The following ZMYM6 variants were observed in gnomAD, a reference collection of about 807,000 sequenced individuals.
The protein encoded by ZMYM6 is zinc finger MYM-type containing 6.
In ZMYM6, 90 loss-of-function variants were observed where a neutral mutation model predicts 134.0. The observed-to-expected ratio is 0.67, with a 90% CI of 0.57 to 0.80. The LOEUF (loss-of-function observed/expected upper bound fraction) is 0.80, where lower values mean the gene tolerates loss of function less well. ZMYM6 is among the 30% of genes least tolerant of loss of function. ZMYM6 has a pLI of 0.00. For synonymous variants in ZMYM6, 481 were observed against 524.1 expected, an observed-to-expected ratio of 0.92 and a Z score of 1.12; for missense variants, 1,362 against 1,533.9, an observed-to-expected ratio of 0.89 and a Z score of 1.87.
At chr1:35,028,068 C>T (rs905330837) in intron 2 of ZMYM6, among the ~76,000 whole-genome samples, 3 of 152,040 alleles carry the variant, frequency 2.0e-5, no homozygotes, top group African/African-American at 7.3e-5. Context: ...AATCCCAGCA[C>T]TTTGAGAAGC....
chr1:34,992,854 ATAT>A (rs1640708475), intron 14 of ZMYM6, among the ~76,000 whole-genome samples: 1 of 146,482 alleles, frequency 6.8e-6, no homozygotes, highest in Admixed American at 6.8e-5. Flanking sequence ...TAAACTATAA[ATAT>A]AAAAATATAT....
chr1:34,987,636 C>A lies in ZMYM6; in HGVS notation c.3446G>T (p.Arg1149Ile), dbSNP rs1180533673. The A allele has an allele frequency of 1.9e-6, 3 of 1,581,438 alleles. No homozygotes were observed. The highest frequency in any genetic ancestry group is 2.3e-5 in the South Asian group (2 of 87,358). The change falls in exon 16 of 16, where the codon AGA (arginine) becomes ATA (isoleucine). Residue 1149 changes from arginine (R) to isoleucine (I), a missense_variant. Coordinates refer to ENST00000357182, the MANE Select transcript of ZMYM6 (RefSeq NM_007167.4). ...GCGCTTCAACCACATTTTTAACTTT[C>A]TCTTAAATACATCAATTTTATTACA... ...NLCNKIDVFK[R>I]KLKMWLKRTQ... is the part of the protein sequence containing the mutation.
chr1:35,012,434 A>G lies in ZMYM6; in HGVS notation c.943T>C (p.Ser315Pro). ...ATTTATCAAATTTAAACATTACCTG[A>G]AGAAGTAACAGTCTTAACTCTGTAA... Reference protein sequence around the residue: ...SAYRVKTVTSSGVQVSCHSCK... With the variant: ...SAYRVKTVTSPGVQVSCHSCK... Residue 315 changes from serine (S) to proline (P), a missense_variant, in exon 7 of 16, where the codon TCA becomes CCA. By Grantham distance (74) the Ser-to-Pro change is moderately conservative. Transcript: ENST00000357182. 6.5e-7 allele frequency: 1 copy of G among 1,529,906 alleles called. No homozygotes were observed. The highest frequency in any genetic ancestry group is 8.7e-7 in the Non-Finnish European group (1 of 1,143,626). 94.8% of individuals were successfully genotyped at this position (1,529,906 alleles called of 1,614,324 possible).
At chr1:35,004,692 C>G (rs1640934139) in intron 13 of ZMYM6, among the ~76,000 whole-genome samples, 1 of 152,144 alleles carries the variant, frequency 6.6e-6, no homozygotes, top group Non-Finnish European at 1.5e-5. Context: ...ACCCACTCCC[C>G]TGAGGCGGGG....
intron 14 of ZMYM6, among the ~76,000 whole-genome samples, chr1:35,002,948 G>A (rs1640904413): frequency 1.3e-5 from 2 of 152,036 alleles, no homozygotes; most frequent in Admixed American, 1.3e-4. Context: ...TGAGGCGGGA[G>A]GATCACTTGA....
At chr1:34,991,527 TG>T (rs1640673319) in intron 15 of ZMYM6, among the ~76,000 whole-genome samples, 1 of 152,112 alleles carries the variant, frequency 6.6e-6, no homozygotes, top group African/African-American at 2.4e-5. Flanking sequence ...CCCAGCACTT[TG>T]GGAGGCCGAG....
intron 3 of ZMYM6, 99 bp from the exon 4 acceptor site, chr1:35,019,701 G>A (rs1193606233): frequency 7.3e-7 from 1 of 1,368,096 alleles, no homozygotes; most frequent in African/African-American, 1.5e-5. Context: ...CTGAGACACG[G>A]TCTCACTGTC....
chr1:34,992,069 A>G, intron 15 of ZMYM6, 165 bp downstream of exon 15: 1 of 867,118 alleles, frequency 1.2e-6, no homozygotes, highest in East Asian at 2.8e-5. Context: ...ATTAGTGTTA[A>G]TAATTATGAA....
chr1:34,986,744 A>C lies in ZMYM6; in HGVS notation c.*360T>G, dbSNP rs1199098578. On this transcript the variant is annotated 3_prime_UTR_variant, in exon 16 of 16. Coordinates refer to ENST00000357182, the MANE Select transcript of ZMYM6 (RefSeq NM_007167.4). ...GATCTATCTTTTCCACCTACTCACAACCTTGCAGGGGTAAGTAGCTGGTTG... is the reference window on the plus strand; with the variant it reads ...GATCTATCTTTTCCACCTACTCACACCCTTGCAGGGGTAAGTAGCTGGTTG... The C allele has an allele frequency of 6.4e-6, 1 of 156,478 alleles. No homozygotes were observed. The highest frequency in any genetic ancestry group is 1.4e-5 in the Non-Finnish European group (1 of 71,256). 9.7% of individuals were successfully genotyped at this position (156,478 alleles called of 1,614,324 possible). A position where few individuals can be genotyped will look rare whatever the true frequency, so the allele number is the denominator to read the frequency against.
intron 13 of ZMYM6, among the ~76,000 whole-genome samples, chr1:35,004,226 T>C (rs2148449372): frequency 6.6e-6 from 1 of 152,166 alleles, no homozygotes. Context: ...TCTCTGGCAG[T>C]AAAGGAGTAG....
At position 35,013,730 on chromosome 1, in the gene ZMYM6, C is replaced by T. The variant is rs1310221624; in HGVS notation, c.795+967G>A. The T allele has an allele frequency of 4.2e-6, 4 of 956,604 alleles. No homozygotes were observed. The African/African-American group carries it at 7.1e-5, about 17-fold the overall frequency. 59.3% of individuals were successfully genotyped at this position (956,604 alleles called of 1,614,324 possible). On this transcript the variant is annotated intron_variant, in intron 6 of 15. Transcript: ENST00000357182. Reference sequence around the variant, plus strand: ...TGTTTTTGAGACAGTCTTGCTCTGTCACCCAGGCTGGACTGCAGTGGCACA... The same window carrying T: ...TGTTTTTGAGACAGTCTTGCTCTGTTACCCAGGCTGGACTGCAGTGGCACA...
In ZMYM6 at chr1:35,019,439, G is replaced by A; in HGVS notation, c.342C>T (p.Leu114=). 2.5e-6 allele frequency: 4 copies of A among 1,614,182 alleles called. No homozygotes were observed. The highest frequency in any genetic ancestry group is 2.5e-6 in the Non-Finnish European group (3 of 1,180,040). Residue 114 remains leucine (L), a synonymous_variant, in exon 4 of 16, where the codon CTC becomes CTT. Transcript: ENST00000357182. ...TGGTGATGCATCGTGTGGAGCAGAA[G>A]AGCTGAGTAGATCCTGTCTTATGAT... The part of the protein sequence containing the change: ...TAYHKTGSTQ[L]FCSTRCITRH...
chr1:34,998,461 G>A (rs964300760), intron 14 of ZMYM6, among the ~76,000 whole-genome samples: 4 of 152,102 alleles, frequency 2.6e-5, no homozygotes, highest in Non-Finnish European at 4.4e-5. Flanking sequence ...GTTTTTGAGC[G>A]GAGGAATGAC....
intron 14 of ZMYM6, among the ~76,000 whole-genome samples, chr1:35,000,614 T>C (rs1449149995): frequency 6.6e-6 from 1 of 152,148 alleles, no homozygotes; most frequent in African/African-American, 2.4e-5. Context: ...TAAAATGTGG[T>C]ACCTACAGGC....
intron 14 of ZMYM6, among the ~76,000 whole-genome samples, chr1:34,995,361 G>A (rs1640765868): frequency 6.7e-6 from 1 of 149,430 alleles, no homozygotes; most frequent in Non-Finnish European, 1.5e-5. Context: ...ATGTATATAT[G>A]TTGCCTCTAT....
chr1:35,007,158 T>TTAATCATAAAAAGAGGGA, intron 11 of ZMYM6, 60 bp from the exon 12 acceptor site: 1 of 1,504,304 alleles, frequency 6.6e-7, no homozygotes, highest in Non-Finnish European at 8.9e-7. Flanking sequence ...AAAGATAACA[T>TTAATCATAAAAAGAGGGA]TAATCATAAA....
intron 10 of ZMYM6, among the ~76,000 whole-genome samples, chr1:35,009,850 C>T (rs183034070): frequency 7.2e-4 from 109 of 152,022 alleles, no homozygotes; most frequent in Non-Finnish European, 1.3e-3. Flanking sequence ...GTGGGAGGAT[C>T]CCTTAAACCG....
rs9661867 is a variant in ZMYM6 at position 34,993,261 on chromosome 1, G to A, written c.1993-874C>T. 6.8e-3 allele frequency among the ~76,000 whole-genome samples: 1,033 copies of A among 152,002 alleles called. 12 individuals are homozygous for A. The highest frequency in any genetic ancestry group is 0.023 in the African/African-American group (953 of 41,470). Reference sequence around the variant, plus strand: ...TGAGTAGCTGGGACCACAGGCGTGCGCCACCACGCCTGGCTAATTTTTTAT... The same window carrying A: ...TGAGTAGCTGGGACCACAGGCGTGCACCACCACGCCTGGCTAATTTTTTAT... On this transcript the variant is annotated intron_variant, in intron 14 of 15. Transcript: ENST00000357182.
intron 14 of ZMYM6, among the ~76,000 whole-genome samples, chr1:34,999,964 T>C (rs1349436657): frequency 1.3e-5 from 2 of 152,158 alleles, no homozygotes; most frequent in Non-Finnish European, 2.9e-5. Flanking sequence ...GGTCTCACTC[T>C]GTCACCCAGG....
Sources: gnomAD v4.1 joint callset for allele counts (sites outside exome capture counted in the v4.1 genomes callset) on GRCh38, gnomAD v4.1.1 for gene constraint, MANE v1.5 for transcripts, NCBI Gene and HGNC (gene_info 2026-07-23, HGNC 2026-07-21) for gene names.